Variants in ADAMTS6 observed in about 807,000 individuals in gnomAD.
ADAMTS6 encodes the protein ADAM metallopeptidase with thrombospondin type 1 motif 6, also known as A disintegrin and metalloproteinase with thrombospondin motifs 6.
In ADAMTS6, 23 loss-of-function variants were observed where a neutral mutation model predicts 144.3. The observed-to-expected ratio is 0.16, with a 90% CI of 0.11 to 0.23. The LOEUF (loss-of-function observed/expected upper bound fraction) is 0.23, where lower values mean the gene tolerates loss of function less well. Ranked by LOEUF, ADAMTS6 falls within the 10% of genes least tolerant of loss-of-function variation. The probability of loss-of-function intolerance (pLI) is 1.00; values close to 1 mark genes in which losing one functional copy is unlikely to be tolerated. For missense variants in ADAMTS6, 999 were observed against 1,379.6 expected (o/e 0.72, Z 4.37); for synonymous variants, 444 against 457.5 (o/e 0.97, Z 0.38).
intron 9 of ADAMTS6, among the ~76,000 whole-genome samples, chr5:65,327,875 C>T (rs1746319980): frequency 6.6e-6 from 1 of 152,198 alleles, no homozygotes; most frequent in African/African-American, 2.4e-5. Flanking sequence ...TGTTCACCCA[C>T]TGTATGTTAC....
intron 15 of ADAMTS6, among the ~76,000 whole-genome samples, chr5:65,230,324 A>T (rs1416609728): frequency 8.2e-5 from 11 of 133,344 alleles, no homozygotes; most frequent in South Asian, 2.2e-4. Context: ...AATATATATA[A>T]TACATTATAT....
At chr5:65,472,916 A>T (rs192220266) in intron 2 of ADAMTS6, among the ~76,000 whole-genome samples, 1 of 152,168 alleles carries the variant, frequency 6.6e-6, no homozygotes, top group Non-Finnish European at 1.5e-5. Context: ...ATCTATTACT[A>T]TGTATTCATG....
chr5:65,457,745 CTTTTTTTT>C (rs1180960588), intron 4 of ADAMTS6, among the ~76,000 whole-genome samples: 1 of 97,438 alleles, frequency 1.0e-5, no homozygotes, highest in Non-Finnish European at 2.1e-5. Context: ...TTCTTTCTTT[CTTTTTTTT>C]TTTTTTTTTT....
chr5:65,394,560 C>T (rs1264593077), intron 7 of ADAMTS6, among the ~76,000 whole-genome samples: 2 of 152,144 alleles, frequency 1.3e-5, no homozygotes, highest in Non-Finnish European at 2.9e-5. Context: ...TGAATAATAA[C>T]ATGGATTGGG....
chr5:65,155,505 CAT>C (rs890511626), intron 24 of ADAMTS6, among the ~76,000 whole-genome samples: 3 of 152,204 alleles, frequency 2.0e-5, no homozygotes, highest in African/African-American at 7.2e-5. Flanking sequence ...AAATATATAA[CAT>C]AGAAAAGATC....
rs140604205 is a variant in ADAMTS6 at position 65,303,526 on chromosome 5, C to T, written c.1224-3395G>A. ...GAAACTAATAATTATTGTAATGTAACGAACATTAAATCCAGAAGAAAATTT... is the reference window on the plus strand; with the variant it reads ...GAAACTAATAATTATTGTAATGTAATGAACATTAAATCCAGAAGAAAATTT... On this transcript the variant is annotated intron_variant, in intron 9 of 24. Transcript: ENST00000381055. Among the ~76,000 whole-genome samples the T allele has an allele frequency of 2.0e-4, 31 of 151,762 alleles. 1 individual carries two copies. Among genetic ancestry groups the T allele is most frequent in the East Asian group, 7.7e-4 (4 of 5,180 alleles).
chr5:65,193,663 A>G (rs1755151373), intron 21 of ADAMTS6, among the ~76,000 whole-genome samples: 2 of 152,190 alleles, frequency 1.3e-5, no homozygotes, highest in Admixed American at 1.3e-4. Context: ...TCTGGAAAGT[A>G]ATTGGACAAT....
intron 11 of ADAMTS6, among the ~76,000 whole-genome samples, chr5:65,279,993 TC>T (rs1762867110): frequency 6.6e-6 from 1 of 152,368 alleles, no homozygotes; most frequent in South Asian, 2.1e-4. Context: ...TTTATTTCTA[TC>T]ACACATCCCA....
At chr5:65,260,504 A>G (rs958927207) in intron 14 of ADAMTS6, 96 bp downstream of exon 14, 2 of 931,572 alleles carry the variant, frequency 2.1e-6, no homozygotes, top group Non-Finnish European at 3.4e-6. Context: ...CTTCACACAC[A>G]TGTATTTCTT....
rs560133024 is a variant in ADAMTS6 at position 65,452,276 on chromosome 5, T to C, written c.844-60A>G. On this transcript the variant is annotated intron_variant, in intron 5 of 24. Coordinates refer to ENST00000381055, the MANE Select transcript of ADAMTS6 (RefSeq NM_197941.4). ...AGACAAAAATTATAGGGTGATAGTTTGGTTTTTTAAGTGCTAAAACAATTT... is the reference window on the plus strand; with the variant it reads ...AGACAAAAATTATAGGGTGATAGTTCGGTTTTTTAAGTGCTAAAACAATTT... The C allele has an allele frequency of 4.6e-6, 7 of 1,515,276 alleles. No individual in the cohort carries two copies. In the African/African-American group the frequency reaches 8.3e-5, roughly 18 times the overall value. The allele number at this position is 1,515,276 out of a possible 1,614,324, so 93.9% of individuals were successfully genotyped here. A position where few individuals can be genotyped will look rare whatever the true frequency, so the allele number is the denominator to read the frequency against.
At chr5:65,390,679 G>T (rs1752839027) in intron 7 of ADAMTS6, among the ~76,000 whole-genome samples, 1 of 152,086 alleles carries the variant, frequency 6.6e-6, no homozygotes, top group African/African-American at 2.4e-5. Flanking sequence ...AATAAATTAG[G>T]ATATTATCAA....
chr5:65,390,642 A>T (rs560950232), intron 7 of ADAMTS6, among the ~76,000 whole-genome samples: 1 of 152,242 alleles, frequency 6.6e-6, no homozygotes, highest in African/African-American at 2.4e-5. Context: ...CATACTGTAC[A>T]TGTGAATAGT....
chr5:65,476,701 C>T (rs180733055), intron 1 of ADAMTS6, among the ~76,000 whole-genome samples: 27 of 152,202 alleles, frequency 1.8e-4, no homozygotes, highest in African/African-American at 6.3e-4. Context: ...CTCCACCTCC[C>T]GGGTTCAAGT....
chr5:65,290,867 G>T (rs1742233798), intron 11 of ADAMTS6, among the ~76,000 whole-genome samples: 1 of 151,822 alleles, frequency 6.6e-6, no homozygotes, highest in Non-Finnish European at 1.5e-5. Context: ...TTCCTGCTTG[G>T]TTGTGGTGCT....
At chr5:65,170,864 T>A in intron 23 of ADAMTS6, 91 bp from the exon 24 acceptor site, 3 of 1,372,248 alleles carry the variant, frequency 2.2e-6, no homozygotes, top group South Asian at 1.4e-5. Flanking sequence ...TACAACACAA[T>A]ATGAACTTTT....
At chr5:65,231,538 G>A (rs1255453031) in intron 15 of ADAMTS6, among the ~76,000 whole-genome samples, 2 of 151,962 alleles carry the variant, frequency 1.3e-5, no homozygotes, top group Non-Finnish European at 2.9e-5. Context: ...AGAATAAATA[G>A]ACATACAAAA....
chr5:65,176,352 CA>C (rs1414674167), intron 22 of ADAMTS6, among the ~76,000 whole-genome samples: 1 of 152,052 alleles, frequency 6.6e-6, no homozygotes, highest in Non-Finnish European at 1.5e-5. Context: ...GAATGTAAAA[CA>C]AAACAGTTTA....
chr5:65,407,914 G>A (rs112689979), intron 7 of ADAMTS6, among the ~76,000 whole-genome samples: 2 of 152,094 alleles, frequency 1.3e-5, no homozygotes, highest in African/African-American at 4.8e-5. Flanking sequence ...ATAAGTGAAG[G>A]AGAAATAAAA....
chr5:65,386,656 T>C (rs1283697948), intron 7 of ADAMTS6, among the ~76,000 whole-genome samples: 1 of 152,136 alleles, frequency 6.6e-6, no homozygotes, highest in East Asian at 1.9e-4. Context: ...GGCCTGACCT[T>C]GACTCACTGC....
Sources: gnomAD v4.1 joint callset for allele counts (sites outside exome capture counted in the v4.1 genomes callset) on GRCh38, gnomAD v4.1.1 for gene constraint, MANE v1.5 for transcripts, NCBI Gene and HGNC (gene_info 2026-07-23, HGNC 2026-07-21) for gene names.